The following PDXK variants were observed in gnomAD, a reference collection of about 807,000 sequenced individuals.
The protein encoded by PDXK is pyridoxal kinase.
PDXK carries 15 observed loss-of-function variants against 43.2 expected under a neutral mutation model. The ratio of observed to expected loss-of-function variants is 0.35; its 90% CI spans 0.23 to 0.53. PDXK has a LOEUF of 0.53. PDXK is among the 20% of genes least tolerant of loss of function. PDXK has a pLI of 0.92. For synonymous variants in PDXK, 172 were observed against 165.4 expected (o/e 1.04, Z -0.31); for missense variants, 343 against 417.0 (o/e 0.82, Z 1.54).
At chr21:43,739,282 CA>C (rs2083454439) in intron 2 of PDXK, among the ~76,000 whole-genome samples, 1 of 152,180 alleles carries the variant, frequency 6.6e-6, no homozygotes, top group Non-Finnish European at 1.5e-5. Flanking sequence ...CTGAGCCTCC[CA>C]AACTGCTGGG....
At chr21:43,750,265 G>A (rs959858554) in intron 6 of PDXK, among the ~76,000 whole-genome samples, 1 of 152,264 alleles carries the variant, frequency 6.6e-6, no homozygotes, top group Non-Finnish European at 1.5e-5. Flanking sequence ...CCACGGTTAC[G>A]TATAAACAGC....
chr21:43,748,649 C>G (rs1430451621), intron 5 of PDXK, among the ~76,000 whole-genome samples: 1 of 152,318 alleles, frequency 6.6e-6, no homozygotes, highest in Non-Finnish European at 1.5e-5. Flanking sequence ...ATGACCAGGG[C>G]TGCTCCATCC....
chr21:43,737,571 G>A lies in PDXK; in HGVS notation c.142+3448G>A. 1.0e-6 allele frequency: 1 copy of A among 998,896 alleles called. No homozygotes were observed. Among genetic ancestry groups the A allele is most frequent in the Non-Finnish European group, 1.2e-6 (1 of 837,978 alleles). 61.9% of individuals were successfully genotyped at this position (998,896 alleles called of 1,614,324 possible). Reference sequence around the variant, plus strand: ...GCTTTCGGAGTGTAGAGCCAGAGGGGATGGGACAGGTGCCCTGCTGCTGGG... The same window carrying A: ...GCTTTCGGAGTGTAGAGCCAGAGGGAATGGGACAGGTGCCCTGCTGCTGGG... On this transcript the variant is annotated intron_variant, in intron 2 of 10. Coordinates refer to ENST00000291565, the MANE Select transcript of PDXK (RefSeq NM_003681.5). The surrounding 1 kb of genome is among the most constrained non-coding windows in gnomAD (Gnocchi z 4.8).
Position 43,752,609 on chromosome 21 carries a change from T to G in PDXK, c.602T>G (p.Val201Gly). Residue 201 changes from valine to glycine, a missense_variant, in exon 8 of 11, where the codon GTG (valine) becomes GGG (glycine). Val to Gly is a moderately radical substitution (Grantham distance 109). Transcript: ENST00000291565. ...PSPQGSNYLI[V>G]LGSQRRRNPA... is the part of the protein sequence containing the mutation. The stretch of plus-strand genomic sequence containing the variant: ...CCGCAGGGCAGCAACTACCTGATTG[T>G]GCTGGGGAGTCAGAGGAGGAGTAAG... The G allele has an allele frequency of 3.7e-6, 6 of 1,611,722 alleles. No homozygotes were observed. The highest frequency in any genetic ancestry group is 5.1e-6 in the Non-Finnish European group (6 of 1,178,368).
At chr21:43,748,091 G>A (rs1568988717) in intron 5 of PDXK, among the ~76,000 whole-genome samples, 1 of 152,242 alleles carries the variant, frequency 6.6e-6, no homozygotes, top group East Asian at 1.9e-4. Flanking sequence ...TGAAGGGATT[G>A]GAAACTCAGG....
chr21:43,733,162 G>T (rs976670194), intron 1 of PDXK, among the ~76,000 whole-genome samples: 5 of 151,834 alleles, frequency 3.3e-5, no homozygotes, highest in African/African-American at 1.2e-4. Flanking sequence ...AATACAAATC[G>T]TAAGCAGATA....
chr21:43,756,904 G>A lies in PDXK; in HGVS notation c.*841G>A, dbSNP rs1272488034. 6.6e-6 allele frequency: 1 copy of A among 152,460 alleles called. No individual in the cohort carries two copies. The highest frequency in any genetic ancestry group is 2.4e-5 in the African/African-American group (1 of 41,464). The allele number at this position is 152,460 out of a possible 1,614,324, so 9.4% of individuals were successfully genotyped here. On this transcript the variant is annotated 3_prime_UTR_variant, in exon 11 of 11. Coordinates refer to ENST00000291565, the MANE Select transcript of PDXK (RefSeq NM_003681.5). ...CCTTGTGGAAGCTCCCCTCATCCGTGGTGCAGCAGGCTGAGCACTGCGCGT... is the reference window on the plus strand; with the variant it reads ...CCTTGTGGAAGCTCCCCTCATCCGTAGTGCAGCAGGCTGAGCACTGCGCGT...
At chr21:43,730,097 C>T (rs2083298705) in intron 1 of PDXK, among the ~76,000 whole-genome samples, 1 of 151,160 alleles carries the variant, frequency 6.6e-6, no homozygotes, top group Non-Finnish European at 1.5e-5. Context: ...GAGTCTTGCT[C>T]ATATCTGATT....
At chr21:43,750,626 C>G (rs2083719772) in intron 7 of PDXK, 81 bp downstream of exon 7, 1 of 1,105,580 alleles carries the variant, frequency 9.0e-7, no homozygotes, top group African/African-American at 1.5e-5. Flanking sequence ...TGAGTGGCAC[C>G]ACTGTGTCAT....
At chr21:43,749,787 A>G (rs1186716026) in intron 6 of PDXK, among the ~76,000 whole-genome samples, 1 of 152,174 alleles carries the variant, frequency 6.6e-6, no homozygotes, top group Non-Finnish European at 1.5e-5. Context: ...TGGGGGCAGC[A>G]CAGGCGGCCA....
rs1287870618 is a variant in PDXK at position 43,757,345 on chromosome 21, G to A, written c.*1282G>A. 6.6e-6 allele frequency: 1 copy of A among 152,298 alleles called. No individual in the cohort carries two copies. The highest frequency in any genetic ancestry group is 1.5e-5 in the Non-Finnish European group (1 of 68,074). 9.4% of individuals were successfully genotyped at this position (152,298 alleles called of 1,614,324 possible). A position where few individuals can be genotyped will look rare whatever the true frequency, so the allele number is the denominator to read the frequency against. ...TGCAGCCCTGCATCCCAGCTCTGGG[G>A]TGTGCAGAGGTTTGTGTCTCCAGGG... On this transcript the variant is annotated 3_prime_UTR_variant, in exon 11 of 11. Coordinates refer to ENST00000291565, the MANE Select transcript of PDXK (RefSeq NM_003681.5).
chr21:43,737,352 C>A lies in PDXK; in HGVS notation c.142+3229C>A. On this transcript the variant is annotated intron_variant, in intron 2 of 10. Coordinates refer to ENST00000291565, the MANE Select transcript of PDXK (RefSeq NM_003681.5). This position sits in a 1 kb window ranked among gnomAD's most constrained non-coding sequence, Gnocchi z 4.8. ...CCGGCCAGGCCCCCGTTCCTTGAGG[C>A]CGTACCACAAGGTGCGTTCATTTTT... 7.7e-7 allele frequency: 1 copy of A among 1,299,600 alleles called. No homozygotes were observed. The highest frequency in any genetic ancestry group is 3.6e-5 in the East Asian group (1 of 27,430). The allele number at this position is 1,299,600 out of a possible 1,614,324, so 80.5% of individuals were successfully genotyped here. A position where few individuals can be genotyped will look rare whatever the true frequency, so the allele number is the denominator to read the frequency against.
intron 1 of PDXK, among the ~76,000 whole-genome samples, chr21:43,727,942 G>T (rs925897519): frequency 1.3e-5 from 2 of 152,232 alleles, no homozygotes; most frequent in African/African-American, 4.8e-5. Context: ...GGGCACTTCT[G>T]AGCCAGCCAT....
chr21:43,739,235 C>T (rs1341447233), intron 2 of PDXK, among the ~76,000 whole-genome samples: 2 of 152,220 alleles, frequency 1.3e-5, no homozygotes, highest in Non-Finnish European at 2.9e-5. Flanking sequence ...GTTGGCCAGG[C>T]TGGTCTCGAA....
At chr21:43,747,682 G>T (rs940043318) in intron 5 of PDXK, among the ~76,000 whole-genome samples, 17 of 152,246 alleles carry the variant, frequency 1.1e-4, no homozygotes, top group African/African-American at 4.1e-4. Context: ...GCAGACACTT[G>T]CGTTTGGATC....
chr21:43,724,191 T>C (rs949606433), intron 1 of PDXK, among the ~76,000 whole-genome samples: 6 of 152,086 alleles, frequency 3.9e-5, no homozygotes, highest in Non-Finnish European at 8.8e-5. Flanking sequence ...GAGGTTGTAT[T>C]TCTCTGTCTA....
In PDXK at chr21:43,735,608, G is replaced by A. The variant is rs1460782530; in HGVS notation, c.142+1485G>A. ...AGCCTGGGGGTGTCCCTTCCCATGG[G>A]GTCCAGCCTGTGGTTCCTGGGAGCC... On this transcript the variant is annotated intron_variant, in intron 2 of 10. Transcript: ENST00000291565. The surrounding 1 kb of genome is among the most constrained non-coding windows in gnomAD (Gnocchi z 5.3). 1.3e-5 allele frequency among the ~76,000 whole-genome samples: 2 copies of A among 152,172 alleles called. No homozygotes were observed. Among genetic ancestry groups the A allele is most frequent in the Non-Finnish European group, 2.9e-5 (2 of 68,024 alleles).
chr21:43,743,068 T>C (rs1215675555), intron 3 of PDXK, among the ~76,000 whole-genome samples: 304 of 105,430 alleles, frequency 2.9e-3, no homozygotes, highest in East Asian at 5.0e-3. Context: ...TCCCCCCAGC[T>C]CCTGAGCACT....
Position 43,758,865 on chromosome 21 carries a change from G to A in PDXK, c.*2802G>A, listed in dbSNP as rs765818324. The stretch of plus-strand genomic sequence containing the variant: ...CCACAATAGGATCCTTTTTAAAATC[G>A]ATTTTAAATTGTTGCCTAGTCCTGC... On this transcript the variant is annotated 3_prime_UTR_variant, in exon 11 of 11. Coordinates refer to ENST00000291565, the MANE Select transcript of PDXK (RefSeq NM_003681.5). 2 of 152,150 alleles carry A rather than the reference G, an allele frequency of 1.3e-5. No individual in the cohort carries two copies. Among genetic ancestry groups the A allele is most frequent in the African/African-American group, 2.4e-5 (1 of 41,428 alleles). 9.4% of individuals were successfully genotyped at this position (152,150 alleles called of 1,614,324 possible).
Sources: allele counts gnomAD v4.1 joint callset (sites outside exome capture counted in the v4.1 genomes callset), GRCh38; gene constraint gnomAD v4.1.1; non-coding constraint Gnocchi (gnomAD v3.1); transcripts MANE v1.5; gene names NCBI Gene and HGNC (gene_info 2026-07-23, HGNC 2026-07-21).